The following ZNF324B variants were observed in gnomAD, a reference collection of about 807,000 sequenced individuals.
ZNF324B encodes the protein zinc finger protein 324B.
In ZNF324B, 7 loss-of-function variants were observed where a neutral mutation model predicts 10.6. That is an observed-to-expected ratio of 0.66 (90% CI 0.38 to 1.24). The LOEUF is 1.24. ZNF324B is among the 50% of genes most tolerant of loss of function. The pLI, the probability that ZNF324B is intolerant of heterozygous loss-of-function variation, is 0.02. For synonymous variants in ZNF324B, 316 were observed against 321.0 expected, an observed-to-expected ratio of 0.98 and a Z score of 0.17; for missense variants, 640 against 764.7, an observed-to-expected ratio of 0.84 and a Z score of 1.92.
the ZNF324B span, among the ~76,000 whole-genome samples, chr19:58,428,251 C>G: frequency 5.9e-3 from 899 of 152,300 alleles, 7 homozygotes; most frequent in African/African-American, 0.021. Context: ...TCTTTTCTCC[C>G]CTAGGCCTCA....
chr19:58,434,481 G>A, the ZNF324B span: 3 of 1,614,218 alleles, frequency 1.9e-6, no homozygotes, highest in East Asian at 2.2e-5. Context: ...CACATGCAAT[G>A]CACTCATAAT....
chr19:58,431,973 C>T, the ZNF324B span, among the ~76,000 whole-genome samples: 6 of 151,794 alleles, frequency 4.0e-5, no homozygotes, highest in East Asian at 1.9e-4. Context: ...CCAGCTTGGG[C>T]GACAGAGCAA....
chr19:58,436,632 C>T, the ZNF324B span, among the ~76,000 whole-genome samples: 1 of 136,074 alleles, frequency 7.3e-6, no homozygotes, highest in East Asian at 2.4e-4. Flanking sequence ...CACGCCACTG[C>T]ACTCCAGCCT....
At chr19:58,439,511 C>G in the ZNF324B span, among the ~76,000 whole-genome samples, 1 of 152,238 alleles carries the variant, frequency 6.6e-6, no homozygotes, top group African/African-American at 2.4e-5. Context: ...ACATGCTGGT[C>G]ACTGTCCCTG....
the ZNF324B span, among the ~76,000 whole-genome samples, chr19:58,436,593 G>C: frequency 6.6e-6 from 1 of 150,834 alleles, no homozygotes; most frequent in Non-Finnish European, 1.5e-5. Flanking sequence ...GCGTGAACCT[G>C]GGAGGCAGAG....
intron 3 of ZNF324B, 188 bp from the exon 4 acceptor site, chr19:58,454,995 C>A (rs1294328660): frequency 1.2e-6 from 1 of 805,108 alleles, no homozygotes. Context: ...CCACTGCAGT[C>A]AGTGCCACAC....
At chr19:58,424,177 A>C in the ZNF324B span, among the ~76,000 whole-genome samples, 2 of 152,124 alleles carry the variant, frequency 1.3e-5, no homozygotes, top group African/African-American at 4.8e-5. Context: ...TGAACCCAGG[A>C]GGCGGAGGTT....
the ZNF324B span, among the ~76,000 whole-genome samples, chr19:58,446,158 A>G: frequency 2.0e-5 from 3 of 151,928 alleles, no homozygotes; most frequent in East Asian, 1.9e-4. Flanking sequence ...ACAAAACAAA[A>G]CCCAGCCCTA....
chr19:58,433,674 C>T, the ZNF324B span: 77 of 1,614,038 alleles, frequency 4.8e-5, no homozygotes, highest in Admixed American at 1.7e-4. Context: ...TATGAACTTT[C>T]TGATGCTTAA....
the ZNF324B span, among the ~76,000 whole-genome samples, chr19:58,427,352 T>TC: frequency 7.6e-3 from 336 of 44,292 alleles, 1 homozygote; most frequent in East Asian, 0.022. Context: ...TCTCTTTCCT[T>TC]TCTTTCTTTC....
chr19:58,419,356 TA>T, the ZNF324B span: 1 of 152,182 alleles, frequency 6.6e-6, no homozygotes, highest in Non-Finnish European at 1.5e-5. Context: ...CTAAGACCTA[TA>T]GGGGCCTGTT....
rs781049156 is a variant in ZNF324B at position 58,455,697 on chromosome 19, C to T, written c.753C>T (p.His251=). Residue 251 remains histidine (H), a synonymous_variant, in exon 4 of 4, where the codon CAC becomes CAT. Coordinates refer to ENST00000336614, the MANE Select transcript of ZNF324B (RefSeq NM_207395.3). This position sits in a 1 kb window ranked among gnomAD's most constrained non-coding sequence, Gnocchi z 7.0. ...STWDELGEAL[H]AGEKSFECRA... is the part of the protein sequence containing the mutation. Reference sequence around the variant, plus strand: ...GGGACGAGCTGGGCGAGGCTCTTCACGCTGGGGAGAAGTCCTTCGAATGCA... The same window carrying T: ...GGGACGAGCTGGGCGAGGCTCTTCATGCTGGGGAGAAGTCCTTCGAATGCA... The T allele has an allele frequency of 1.2e-6, 2 of 1,613,544 alleles. No homozygotes were observed. Among genetic ancestry groups the T allele is most frequent in the South Asian group, 1.1e-5 (1 of 91,054 alleles).
At chr19:58,428,648 C>T in the ZNF324B span, 1 of 152,176 alleles carries the variant, frequency 6.6e-6, no homozygotes, top group Admixed American at 6.5e-5. Context: ...AGGAAATCCA[C>T]AAAATATTTA....
chr19:58,433,249 T>C, the ZNF324B span: 1 of 1,472,218 alleles, frequency 6.8e-7, no homozygotes, highest in Non-Finnish European at 9.2e-7. Context: ...ATTTTTCTGG[T>C]ATGGGGATTC....
chr19:58,439,674 G>T, the ZNF324B span: 5 of 1,394,234 alleles, frequency 3.6e-6, no homozygotes, highest in African/African-American at 7.5e-5. Flanking sequence ...AGAGTCCCAG[G>T]ACACCAACAT....
intron 1 of ZNF324B, chr19:58,452,147 C>G (rs368547258): frequency 0.022 from 3,413 of 154,986 alleles, 61 homozygotes; most frequent in African/African-American, 0.054. Flanking sequence ...GAGCTCCCGA[C>G]TTCCGGCAGC....
the ZNF324B span, among the ~76,000 whole-genome samples, chr19:58,422,902 C>T: frequency 6.6e-6 from 1 of 152,230 alleles, no homozygotes; most frequent in Non-Finnish European, 1.5e-5. Context: ...CAGAGTCTCG[C>T]TCTGTTGCCC....
chr19:58,427,457 CCTT>C, the ZNF324B span, among the ~76,000 whole-genome samples: 34 of 70,304 alleles, frequency 4.8e-4, no homozygotes, highest in Admixed American at 8.5e-4. Flanking sequence ...CCTTTCCCTT[CCTT>C]CCTTCCTTCC....
chr19:58,422,888 G>C, the ZNF324B span, among the ~76,000 whole-genome samples: 1 of 152,030 alleles, frequency 6.6e-6, no homozygotes. Context: ...TGTTTGTTTT[G>C]AGACAGAGTC....
Sources: gnomAD v4.1 joint callset for allele counts (sites outside exome capture counted in the v4.1 genomes callset) on GRCh38, gnomAD v4.1.1 for gene constraint, Gnocchi (gnomAD v3.1) non-coding constraint, MANE v1.5 for transcripts, NCBI Gene and HGNC (gene_info 2026-07-23, HGNC 2026-07-21) for gene names.